Variants in GUCY1A2 observed in about 807,000 individuals in gnomAD.
GUCY1A2 encodes the protein guanylate cyclase 1 soluble subunit alpha 2, also known as guanylate cyclase soluble subunit alpha-2.
Under a neutral mutation model 63.5 loss-of-function variants are expected in GUCY1A2, and 27 were observed. The observed-to-expected ratio is 0.43, with a 90% CI of 0.31 to 0.59. GUCY1A2 has a LOEUF of 0.59. GUCY1A2 is among the 20% of genes least tolerant of loss of function. GUCY1A2 has a pLI of 0.11. For synonymous variants in GUCY1A2, 364 were observed against 343.5 expected (o/e 1.06, Z -0.66); for missense variants, 768 against 913.3 (o/e 0.84, Z 2.05).
At chr11:106,899,604 T>C (rs929986577) in intron 4 of GUCY1A2, among the ~76,000 whole-genome samples, 1 of 152,188 alleles carries the variant, frequency 6.6e-6, no homozygotes, top group Non-Finnish European at 1.5e-5. Context: ...CATATTTTCC[T>C]CCCCACAGAA....
chr11:106,844,059 C>T (rs926399107), intron 4 of GUCY1A2, among the ~76,000 whole-genome samples: 28 of 151,772 alleles, frequency 1.8e-4, no homozygotes, highest in Non-Finnish European at 2.8e-4. Context: ...TAAGCATCTT[C>T]TTATACAGAG....
chr11:106,688,682 ATAGGC>A (rs2135333908), intron 7 of GUCY1A2, among the ~76,000 whole-genome samples: 1 of 152,326 alleles, frequency 6.6e-6, no homozygotes, highest in East Asian at 1.9e-4. Flanking sequence ...ATAGAACGTA[ATAGGC>A]TAGATGCCAT....
At chr11:106,804,584 A>G (rs10890597) in intron 5 of GUCY1A2, among the ~76,000 whole-genome samples, 139,156 of 152,242 alleles carry the variant, frequency 0.91, 63,675 homozygotes, top group East Asian at 1. Flanking sequence ...TGCATTTTCT[A>G]GAGGCTGGCT....
At chr11:106,861,489 T>A (rs1478784269) in intron 4 of GUCY1A2, among the ~76,000 whole-genome samples, 1 of 151,950 alleles carries the variant, frequency 6.6e-6, no homozygotes, top group Non-Finnish European at 1.5e-5. Context: ...CCCATCAACT[T>A]TCAGTTCTGA....
intron 6 of GUCY1A2, among the ~76,000 whole-genome samples, chr11:106,730,777 T>A (rs1863489989): frequency 6.6e-6 from 1 of 152,118 alleles, no homozygotes; most frequent in African/African-American, 2.4e-5. Flanking sequence ...CGCCAGTAGC[T>A]GTTATTTTTT....
chr11:106,922,065 T>C (rs1483613580), intron 4 of GUCY1A2, among the ~76,000 whole-genome samples: 2 of 152,172 alleles, frequency 1.3e-5, no homozygotes, highest in Non-Finnish European at 2.9e-5. Context: ...TTAACACTTG[T>C]ACAATTAGCT....
intron 6 of GUCY1A2, among the ~76,000 whole-genome samples, chr11:106,759,114 T>A (rs937475705): frequency 6.6e-6 from 1 of 151,418 alleles, no homozygotes; most frequent in Non-Finnish European, 1.5e-5. Flanking sequence ...AACATACCCA[T>A]GTAACAAACA....
intron 5 of GUCY1A2, among the ~76,000 whole-genome samples, chr11:106,804,871 A>T (rs967528874): frequency 1.3e-5 from 2 of 152,136 alleles, no homozygotes; most frequent in African/African-American, 4.8e-5. Context: ...CTATCTAGAC[A>T]TGTTGCCTGG....
intron 1 of GUCY1A2, among the ~76,000 whole-genome samples, chr11:106,988,096 T>C (rs1861424683): frequency 6.6e-6 from 1 of 152,200 alleles, no homozygotes; most frequent in Non-Finnish European, 1.5e-5. Flanking sequence ...GTAAATGGTA[T>C]GCACCTAGGA....
At chr11:106,764,977 G>GGT (rs1555028481) in intron 6 of GUCY1A2, among the ~76,000 whole-genome samples, 1 of 94,188 alleles carries the variant, frequency 1.1e-5, no homozygotes, top group Non-Finnish European at 2.3e-5. Context: ...TTTTGGGGGG[G>GGT]GGTTGGGGGG....
At chr11:106,815,929 C>T (rs1278919060) in intron 4 of GUCY1A2, among the ~76,000 whole-genome samples, 1 of 151,920 alleles carries the variant, frequency 6.6e-6, no homozygotes, top group Non-Finnish European at 1.5e-5. Flanking sequence ...ATGGATTCTA[C>T]CCCAGAGCCT....
At chr11:106,785,258 C>A (rs961971449) in intron 5 of GUCY1A2, among the ~76,000 whole-genome samples, 2 of 152,088 alleles carry the variant, frequency 1.3e-5, no homozygotes, top group African/African-American at 2.4e-5. Flanking sequence ...AGAGAAAAAC[C>A]GTTTCCACTT....
At chr11:106,867,986 C>A (rs1199989682) in intron 4 of GUCY1A2, among the ~76,000 whole-genome samples, 1 of 151,842 alleles carries the variant, frequency 6.6e-6, no homozygotes, top group Non-Finnish European at 1.5e-5. Context: ...CCCCAACCCC[C>A]AAAAAACCCT....
chr11:106,839,952 T>C (rs1859173919), intron 4 of GUCY1A2, among the ~76,000 whole-genome samples: 1 of 151,884 alleles, frequency 6.6e-6, no homozygotes, highest in Admixed American at 6.6e-5. Flanking sequence ...GGCACATGTA[T>C]ACATATGTAA....
intron 6 of GUCY1A2, among the ~76,000 whole-genome samples, chr11:106,730,876 G>C (rs545307705): frequency 2.0e-5 from 3 of 151,956 alleles, no homozygotes; most frequent in African/African-American, 7.2e-5. Flanking sequence ...AGTGATGTTG[G>C]GCATTTTTTC....
In GUCY1A2 at chr11:106,917,933, T is replaced by TA. The variant is rs1327226763; in HGVS notation, c.1206+21526dup. ...CGTTGTGCACAGGTACCCTAAAACT[T>TA]AAAGTATAAAAAAAAAAAAAAGAAA... is the stretch of plus-strand genomic sequence containing the variant. On this transcript the variant is annotated intron_variant, in intron 4 of 7. Transcript: ENST00000526355. Among the ~76,000 whole-genome samples the TA allele has an allele frequency of 3.7e-5, 5 of 136,906 alleles. 1 individual carries two copies. Among genetic ancestry groups the TA allele is most frequent in the Admixed American group, 7.3e-5 (1 of 13,730 alleles). 89.8% of individuals were successfully genotyped at this position (136,906 alleles called of 152,430 possible).
intron 1 of GUCY1A2, among the ~76,000 whole-genome samples, chr11:107,016,667 A>C (rs1861827857): frequency 6.6e-6 from 1 of 152,250 alleles, no homozygotes; most frequent in South Asian, 2.1e-4. Flanking sequence ...AGCACTAGAG[A>C]ATCAATTGAA....
Position 106,799,195 on chromosome 11 carries a change from T to G in GUCY1A2, c.1692+10798A>C, listed in dbSNP as rs953339959. On this transcript the variant is annotated intron_variant, in intron 5 of 7. Transcript: ENST00000526355. ...CTAGGAATCCAACTTACAAGGGATA[T>G]GAAGGACCTCTTGAAGGAGAACTAC... 1.4e-3 allele frequency among the ~76,000 whole-genome samples: 208 copies of G among 152,232 alleles called. 2 individuals are homozygous for G. The highest frequency in any genetic ancestry group is 4.8e-3 in the African/African-American group (201 of 41,542).
chr11:106,813,779 A>T (rs1233362448), intron 4 of GUCY1A2, among the ~76,000 whole-genome samples: 5 of 152,082 alleles, frequency 3.3e-5, no homozygotes, highest in African/African-American at 4.8e-5. Flanking sequence ...GGAAAAGATG[A>T]TAATGATGTT....
Sources: allele counts gnomAD v4.1 joint callset (sites outside exome capture counted in the v4.1 genomes callset), GRCh38; gene constraint gnomAD v4.1.1; transcripts MANE v1.5; gene names NCBI Gene and HGNC (gene_info 2026-07-23, HGNC 2026-07-21).